CACNA1A: variants seen among roughly 807,000 people sequenced by gnomAD.
The protein encoded by CACNA1A is calcium voltage-gated channel subunit alpha1 A.
A neutral mutation model predicts 262.4 loss-of-function variants in CACNA1A; 57 were observed. That is an observed-to-expected ratio of 0.22 (90% CI 0.18 to 0.27). The LOEUF (loss-of-function observed/expected upper bound fraction) is 0.27. CACNA1A is among the 10% of genes least tolerant of loss of function. The probability of loss-of-function intolerance (pLI) is 1.00; values close to 1 mark genes in which losing one functional copy is unlikely to be tolerated. For missense variants in CACNA1A, 2,526 were observed against 3,562.8 expected (o/e 0.71, Z 7.41); for synonymous variants, 1,431 against 1,419.3 (o/e 1.01, Z -0.18).
chr19:13,343,450 C>A (rs553837780), intron 6 of CACNA1A, among the ~76,000 whole-genome samples: 1 of 152,100 alleles, frequency 6.6e-6, no homozygotes, highest in African/African-American at 2.4e-5. Flanking sequence ...TAAATGCCAA[C>A]TTCTGATTGA....
intron 27 of CACNA1A, chr19:13,258,771 A>G (rs2056640133): frequency 6.6e-6 from 1 of 152,104 alleles, no homozygotes; most frequent in Admixed American, 6.6e-5. Context: ...GACCTCTGAG[A>G]GAAAGACCAT....
intron 19 of CACNA1A, among the ~76,000 whole-genome samples, chr19:13,293,440 T>C (rs998002608): frequency 2.5e-4 from 14 of 56,302 alleles, no homozygotes; most frequent in African/African-American, 9.1e-4. Flanking sequence ...CAGTTAAATC[T>C]TTTTTTTTTT....
At chr19:13,300,458 A>C (rs1406531833) in intron 18 of CACNA1A, 92 bp downstream of exon 18, 1 of 863,558 alleles carries the variant, frequency 1.2e-6, no homozygotes, top group Non-Finnish European at 2.0e-6. Flanking sequence ...CAGTTCTGTC[A>C]AGGACCACCC....
At chr19:13,322,736 C>G (rs879323281) in intron 10 of CACNA1A, among the ~76,000 whole-genome samples, 6 of 152,088 alleles carry the variant, frequency 3.9e-5, no homozygotes, top group Non-Finnish European at 8.8e-5. Context: ...GCTGGGACTA[C>G]AGGTGTGCAC....
At chr19:13,282,470 G>A (rs548590433) in intron 22 of CACNA1A, among the ~76,000 whole-genome samples, 15 of 152,208 alleles carry the variant, frequency 9.9e-5, no homozygotes, top group African/African-American at 3.4e-4. Flanking sequence ...TCAACCACAA[G>A]CATGCACTCA....
At chr19:13,287,060 G>T in intron 19 of CACNA1A, 94 bp from the exon 20 acceptor site, 1 of 1,101,654 alleles carries the variant, frequency 9.1e-7, no homozygotes, top group Non-Finnish European at 1.3e-6. Context: ...TCTTTCAAGA[G>T]TACAATTTGG....
Position 13,286,494 on chromosome 19 carries a change from G to C in CACNA1A, c.3553+9C>G, listed in dbSNP as rs1464116257. Reference sequence around the variant, plus strand: ...CCCTGCCCAGTGATGTGAGAGCAGAGGGTCTCACCTTGTACGACGGTGTGG... The same window carrying C: ...CCCTGCCCAGTGATGTGAGAGCAGACGGTCTCACCTTGTACGACGGTGTGG... On this transcript the variant is annotated intron_variant, in intron 20 of 46. Coordinates refer to ENST00000360228, the MANE Select transcript of CACNA1A (RefSeq NM_001127222.2). 3 of 1,333,752 alleles carry C rather than the reference G, an allele frequency of 2.2e-6. No individual in the cohort carries two copies. The highest frequency in any genetic ancestry group is 1.5e-5 in the African/African-American group (1 of 67,960). The allele number at this position is 1,333,752 out of a possible 1,614,324, so 82.6% of individuals were successfully genotyped here.
intron 1 of CACNA1A, among the ~76,000 whole-genome samples, chr19:13,500,572 G>A (rs151132015): frequency 9.1e-4 from 138 of 152,276 alleles, no homozygotes; most frequent in Middle Eastern, 3.4e-3. Context: ...GCTTTTAGAC[G>A]CATTGCAAAG....
At chr19:13,434,562 T>C (rs7248281) in intron 3 of CACNA1A, among the ~76,000 whole-genome samples, 20,622 of 151,878 alleles carry the variant, frequency 0.14, 1,809 homozygotes, top group East Asian at 0.25. Context: ...CTTGTGAGAT[T>C]GGACATTTAA....
intron 38 of CACNA1A, among the ~76,000 whole-genome samples, chr19:13,220,045 GTCAGGAGT>G (rs2055167245): frequency 6.6e-6 from 1 of 151,958 alleles, no homozygotes; most frequent in South Asian, 2.1e-4. Context: ...ATCACCTGAG[GTCAGGAGT>G]TCAAAACCAG....
At chr19:13,337,639 G>T (rs1000590864) in intron 6 of CACNA1A, among the ~76,000 whole-genome samples, 2 of 152,152 alleles carry the variant, frequency 1.3e-5, no homozygotes, top group African/African-American at 2.4e-5. Context: ...TTTGGGGTGA[G>T]ACAATAAAAC....
chr19:13,504,833 G>A (rs988778530), intron 1 of CACNA1A, among the ~76,000 whole-genome samples: 1 of 152,080 alleles, frequency 6.6e-6, no homozygotes, highest in African/African-American at 2.4e-5. Flanking sequence ...CCTACATCTC[G>A]ATAGATGTTA....
chr19:13,398,884 C>G (rs2059852631), intron 3 of CACNA1A, among the ~76,000 whole-genome samples: 1 of 152,212 alleles, frequency 6.6e-6, no homozygotes, highest in South Asian at 2.1e-4. Flanking sequence ...AGAAGCTGCC[C>G]CTGCAATAGG....
chr19:13,436,016 G>A (rs1599450152), intron 3 of CACNA1A, among the ~76,000 whole-genome samples: 1 of 152,094 alleles, frequency 6.6e-6, no homozygotes, highest in Non-Finnish European at 1.5e-5. Flanking sequence ...GTAGAGATGG[G>A]ATTTCATGAT....
chr19:13,454,553 G>C (rs900108865), intron 2 of CACNA1A, among the ~76,000 whole-genome samples: 5 of 151,938 alleles, frequency 3.3e-5, no homozygotes, highest in Non-Finnish European at 5.9e-5. Flanking sequence ...TATTTTTTTA[G>C]TAGAGACGGG....
At chr19:13,401,269 T>C (rs2059895902) in intron 3 of CACNA1A, among the ~76,000 whole-genome samples, 1 of 152,222 alleles carries the variant, frequency 6.6e-6, no homozygotes. Flanking sequence ...ATTTCCTGGA[T>C]TCAAATTCCA....
intron 1 of CACNA1A, among the ~76,000 whole-genome samples, chr19:13,467,208 G>A (rs771981977): frequency 2.0e-4 from 30 of 152,150 alleles, no homozygotes; most frequent in Non-Finnish European, 3.2e-4. Context: ...TGGGAGGTGG[G>A]ATGGGGTAAG....
At chr19:13,414,545 C>A (rs958124274) in intron 3 of CACNA1A, among the ~76,000 whole-genome samples, 1 of 152,106 alleles carries the variant, frequency 6.6e-6, no homozygotes, top group Non-Finnish European at 1.5e-5. Context: ...GGACAGAAGA[C>A]CCTCATGATC....
chr19:13,492,213 C>G (rs1038682298), intron 1 of CACNA1A, among the ~76,000 whole-genome samples: 3 of 152,162 alleles, frequency 2.0e-5, no homozygotes, highest in African/African-American at 7.2e-5. Context: ...TCAATTTCAA[C>G]AGAAACTTGC....
Sources: gnomAD v4.1 joint callset for allele counts (sites outside exome capture counted in the v4.1 genomes callset) on GRCh38, gnomAD v4.1.1 for gene constraint, MANE v1.5 for transcripts, NCBI Gene and HGNC (gene_info 2026-07-23, HGNC 2026-07-21) for gene names.